The following MRTFB variants were observed in gnomAD, a reference collection of about 807,000 sequenced individuals.
The protein encoded by MRTFB is myocardin related transcription factor B.
MRTFB carries 29 observed loss-of-function variants against 104.2 expected under a neutral mutation model. The ratio of observed to expected loss-of-function variants is 0.28; its 90% CI spans 0.21 to 0.38. The LOEUF is 0.38. Ranked by LOEUF, MRTFB falls within the 10% of genes least tolerant of loss-of-function variation. MRTFB has a pLI of 1.00. For synonymous variants in MRTFB, 535 were observed against 519.5 expected (o/e 1.03, Z -0.41); for missense variants, 1,270 against 1,341.6 (o/e 0.95, Z 0.83).
chr16:14,010,817 C>G, the MRTFB span, among the ~76,000 whole-genome samples: 2 of 152,208 alleles, frequency 1.3e-5, no homozygotes, highest in Admixed American at 1.3e-4. Context: ...AATTAAATAG[C>G]ATTAAACATT....
At chr16:14,135,675 G>A (rs564463272) in intron 2 of MRTFB, among the ~76,000 whole-genome samples, 1 of 152,300 alleles carries the variant, frequency 6.6e-6, no homozygotes, top group African/African-American at 2.4e-5. Context: ...ATTTCAGCAT[G>A]AGACTTTATC....
intron 2 of MRTFB, among the ~76,000 whole-genome samples, chr16:14,130,198 T>G (rs1453866123): frequency 6.6e-6 from 1 of 152,220 alleles, no homozygotes; most frequent in East Asian, 1.9e-4. Flanking sequence ...TTTCTTTATA[T>G]TCTGGATACA....
chr16:14,251,544 C>G (rs891875735), intron 13 of MRTFB, among the ~76,000 whole-genome samples: 1 of 152,198 alleles, frequency 6.6e-6, no homozygotes, highest in African/African-American at 2.4e-5. Context: ...CGTAAAGGGA[C>G]CACATATGCT....
intron 3 of MRTFB, among the ~76,000 whole-genome samples, chr16:14,209,214 T>C (rs187078108): frequency 6.6e-6 from 1 of 152,338 alleles, no homozygotes; most frequent in Admixed American, 6.5e-5. Flanking sequence ...CATTTGAGCC[T>C]CTCATTCCAG....
chr16:14,011,833 C>T, the MRTFB span, among the ~76,000 whole-genome samples: 1 of 152,182 alleles, frequency 6.6e-6, no homozygotes, highest in South Asian at 2.1e-4. Flanking sequence ...GATCATGCCA[C>T]TGGACTCCAG....
the MRTFB span, among the ~76,000 whole-genome samples, chr16:14,047,843 C>T: frequency 6.6e-6 from 1 of 152,162 alleles, no homozygotes; most frequent in South Asian, 2.1e-4. Context: ...AAACTTATTA[C>T]TCTGCTCCCA....
rs1171410083 is a variant in MRTFB, at chr16:14,265,921, A to T, written c.*4477A>T. 6.6e-6 allele frequency: 1 copy of T among 152,254 alleles called. No homozygotes were observed. Among genetic ancestry groups the T allele is most frequent in the Non-Finnish European group, 1.5e-5 (1 of 68,040 alleles). The allele number at this position is 152,254 out of a possible 1,614,324, so 9.4% of individuals were successfully genotyped here. ...CAACTACTAAGACAAAGCTTTAACA[A>T]AGTTTATAGAATACTGAAACTCGTA... is the stretch of plus-strand genomic sequence containing the variant. On this transcript the variant is annotated 3_prime_UTR_variant, in exon 17 of 17. Transcript: ENST00000571589.
chr16:14,228,763 G>T (rs1212470057), intron 8 of MRTFB, among the ~76,000 whole-genome samples: 1 of 150,674 alleles, frequency 6.6e-6, no homozygotes, highest in African/African-American at 2.4e-5. Flanking sequence ...AGCAAATTCT[G>T]CATTCCGTCA....
Position 14,265,967 on chromosome 16 carries a change from T to A in MRTFB, c.*4523T>A, listed in dbSNP as rs2043934402. On this transcript the variant is annotated 3_prime_UTR_variant, in exon 17 of 17. Coordinates refer to ENST00000571589, the MANE Select transcript of MRTFB (RefSeq NM_001308142.2). ...TCGTAACAATTACCTCTCTACGTGA[T>A]GCTGTAAGGAATCTTGCTAATTTGG... 2 of 152,270 alleles carry A rather than the reference T, an allele frequency of 1.3e-5. No individual in the cohort carries two copies. The highest frequency in any genetic ancestry group is 1.3e-4 in the Admixed American group (2 of 15,288). 9.4% of individuals were successfully genotyped at this position (152,270 alleles called of 1,614,324 possible). A position where few individuals can be genotyped will look rare whatever the true frequency, so the allele number is the denominator to read the frequency against.
the MRTFB span, among the ~76,000 whole-genome samples, chr16:13,994,854 C>T: frequency 1.4e-4 from 22 of 152,248 alleles, no homozygotes; most frequent in South Asian, 8.3e-4. Flanking sequence ...AACTCTGAGA[C>T]GACCCGTAAA....
intron 3 of MRTFB, among the ~76,000 whole-genome samples, chr16:14,155,349 T>A (rs1424913689): frequency 6.6e-6 from 1 of 152,212 alleles, no homozygotes; most frequent in Non-Finnish European, 1.5e-5. Flanking sequence ...CCATGTTATA[T>A]TTATGTTTTA....
chr16:14,245,128 C>T (rs965229194), intron 10 of MRTFB, among the ~76,000 whole-genome samples: 9 of 152,124 alleles, frequency 5.9e-5, no homozygotes, highest in Non-Finnish European at 1.0e-4. Context: ...CTCAAGGGTC[C>T]GGGTATGCAG....
At chr16:14,173,483 TCTAA>T (rs1158510360) in intron 3 of MRTFB, among the ~76,000 whole-genome samples, 4 of 152,236 alleles carry the variant, frequency 2.6e-5, no homozygotes, top group Non-Finnish European at 5.9e-5. Flanking sequence ...TATTATAATC[TCTAA>T]CTGCTTATTA....
the MRTFB span, chr16:14,016,145 T>C: frequency 5.1e-6 from 2 of 395,150 alleles, no homozygotes; most frequent in Non-Finnish European, 8.9e-6. Flanking sequence ...ACTTCACTTC[T>C]CTGACTCATA....
chr16:14,121,655 G>T (rs1006091935), intron 2 of MRTFB, among the ~76,000 whole-genome samples: 1 of 151,970 alleles, frequency 6.6e-6, no homozygotes, highest in African/African-American at 2.4e-5. Context: ...TTTTGTTTTT[G>T]TTTTTTTCAA....
chr16:14,088,780 CTG>C (rs767675988), intron 2 of MRTFB, among the ~76,000 whole-genome samples: 8 of 152,156 alleles, frequency 5.3e-5, no homozygotes, highest in Non-Finnish European at 1.0e-4. Context: ...TTTCCTTGCT[CTG>C]TGCTAATAAA....
the MRTFB span, among the ~76,000 whole-genome samples, chr16:14,039,831 C>A: frequency 6.7e-6 from 1 of 149,394 alleles, no homozygotes; most frequent in African/African-American, 2.5e-5. Context: ...TCACTGCAAC[C>A]TCCGCCTCCC....
intron 3 of MRTFB, among the ~76,000 whole-genome samples, chr16:14,165,125 A>G (rs1026552748): frequency 1.3e-4 from 20 of 151,648 alleles, no homozygotes; most frequent in African/African-American, 4.8e-4. Context: ...TTAGTTTCCT[A>G]TCAGATGGGG....
intron 2 of MRTFB, among the ~76,000 whole-genome samples, chr16:14,126,139 A>G (rs2037097628): frequency 6.6e-6 from 1 of 152,210 alleles, no homozygotes; most frequent in Admixed American, 6.5e-5. Context: ...TTGGTTACCT[A>G]GTTTCAAGAA....
Sources: allele counts gnomAD v4.1 joint callset (sites outside exome capture counted in the v4.1 genomes callset), GRCh38; gene constraint gnomAD v4.1.1; transcripts MANE v1.5; gene names NCBI Gene and HGNC (gene_info 2026-07-23, HGNC 2026-07-21).